Variants in HECW2 observed in about 807,000 individuals in gnomAD.
HECW2 encodes HECT, C2 and WW domain containing E3 ubiquitin protein ligase 2, also known as E3 ubiquitin-protein ligase HECW2.
HECW2 carries 61 observed loss-of-function variants against 175.2 expected under a neutral mutation model. The observed-to-expected ratio is 0.35, with a 90% CI of 0.28 to 0.43. The LOEUF is 0.43. Among genes scored for constraint, HECW2 ranks in the 20% least tolerant of loss-of-function variants. HECW2 has a pLI of 1.00. For missense variants in HECW2, 1,524 were observed against 2,000.5 expected, an observed-to-expected ratio of 0.76 and a Z score of 4.54; for synonymous variants, 671 against 731.0, an observed-to-expected ratio of 0.92 and a Z score of 1.32.
intron 1 of HECW2, among the ~76,000 whole-genome samples, chr2:196,588,062 G>A (rs1368316657): frequency 2.0e-5 from 3 of 152,108 alleles, no homozygotes; most frequent in Non-Finnish European, 4.4e-5. Flanking sequence ...CTTTCTCCAT[G>A]AAGCCTACTC....
At chr2:196,429,182 C>A (rs1695633391) in intron 2 of HECW2, among the ~76,000 whole-genome samples, 1 of 152,204 alleles carries the variant, frequency 6.6e-6, no homozygotes, top group African/African-American at 2.4e-5. Context: ...AGTCACATGT[C>A]TACTTCTAGA....
chr2:196,326,241 T>C (rs932550018), intron 5 of HECW2, among the ~76,000 whole-genome samples: 2 of 152,084 alleles, frequency 1.3e-5, no homozygotes, highest in African/African-American at 4.8e-5. Flanking sequence ...AGGTCTTTCT[T>C]AGAAAAATAG....
chr2:196,361,796 C>A (rs1047319783), intron 2 of HECW2: 1 of 984,902 alleles, frequency 1.0e-6, no homozygotes, highest in Non-Finnish European at 1.2e-6. Flanking sequence ...TTCCACAGCA[C>A]TTTCCAATAT....
At chr2:196,551,722 A>C (rs757619691) in intron 1 of HECW2, among the ~76,000 whole-genome samples, 9 of 152,204 alleles carry the variant, frequency 5.9e-5, no homozygotes, top group Non-Finnish European at 1.3e-4. Flanking sequence ...ATTTCTTTTA[A>C]GCTTAGATGT....
chr2:196,477,559 C>A (rs1022615378), intron 1 of HECW2, among the ~76,000 whole-genome samples: 4 of 152,238 alleles, frequency 2.6e-5, no homozygotes, highest in Non-Finnish European at 5.9e-5. Flanking sequence ...CATAATTTCA[C>A]ACAAAGTCTA....
At chr2:196,455,520 A>G (rs1217876234) in intron 1 of HECW2, among the ~76,000 whole-genome samples, 1 of 152,214 alleles carries the variant, frequency 6.6e-6, no homozygotes, top group Middle Eastern at 3.2e-3. Flanking sequence ...ATGATAAAAG[A>G]ATTTTAAAAA....
intron 26 of HECW2, among the ~76,000 whole-genome samples, chr2:196,218,953 C>T (rs1421320825): frequency 2.0e-5 from 3 of 152,154 alleles, no homozygotes; most frequent in African/African-American, 7.2e-5. Context: ...GTGAGCAAGG[C>T]CAGCCCATGG....
intron 2 of HECW2, among the ~76,000 whole-genome samples, chr2:196,380,233 T>G (rs1169903419): frequency 1.3e-5 from 2 of 152,220 alleles, no homozygotes; most frequent in Admixed American, 6.5e-5. Context: ...GCTGATGGGC[T>G]GTGTGTGTTT....
intron 10 of HECW2, among the ~76,000 whole-genome samples, chr2:196,313,752 G>C (rs183166153): frequency 2.6e-5 from 4 of 152,170 alleles, no homozygotes; most frequent in African/African-American, 9.6e-5. Flanking sequence ...ATGATAAAGA[G>C]AAAGAAAAAA....
intron 2 of HECW2, among the ~76,000 whole-genome samples, chr2:196,344,752 C>T (rs544446840): frequency 6.6e-6 from 1 of 152,146 alleles, no homozygotes; most frequent in Non-Finnish European, 1.5e-5. Flanking sequence ...TCCCCAAATC[C>T]CTTTCCAAGG....
At chr2:196,342,862 T>A (rs182253064) in intron 3 of HECW2, among the ~76,000 whole-genome samples, 10 of 152,256 alleles carry the variant, frequency 6.6e-5, no homozygotes, top group African/African-American at 1.9e-4. Context: ...ATATCTTGAC[T>A]TATTCTTTCT....
chr2:196,248,271 T>C (rs1217339616), intron 19 of HECW2, among the ~76,000 whole-genome samples: 2 of 152,192 alleles, frequency 1.3e-5, no homozygotes, highest in Non-Finnish European at 2.9e-5. Flanking sequence ...AAGGGAAATG[T>C]AAAGGGTCTG....
At chr2:196,323,987 G>C (rs945423942) in intron 6 of HECW2, among the ~76,000 whole-genome samples, 15 of 136,316 alleles carry the variant, frequency 1.1e-4, no homozygotes, top group Non-Finnish European at 1.4e-4. Flanking sequence ...AAGAATACAA[G>C]CAATATTCAA....
chr2:196,542,161 G>A lies in HECW2; in HGVS notation c.-36+51347C>T, dbSNP rs183677774. On this transcript the variant is annotated intron_variant, in intron 1 of 28. Transcript: ENST00000644978. ...CACCTGTAGTCCCAGCTACTCAGGA[G>A]GCTGAGGCAGGAGAATTGCTTGAAC... 1.3e-4 allele frequency among the ~76,000 whole-genome samples: 19 copies of A among 151,950 alleles called. 1 individual carries two copies. The East Asian group carries it at 3.7e-3, about 29-fold the overall frequency.
chr2:196,361,712 T>C (rs1324476897), intron 2 of HECW2: 1 of 809,892 alleles, frequency 1.2e-6, no homozygotes, highest in African/African-American at 1.9e-5. Context: ...TTTAAGAGCT[T>C]TTCAAAGTGA....
chr2:196,433,094 G>T, intron 2 of HECW2, 38 bp downstream of exon 2: 4 of 1,549,640 alleles, frequency 2.6e-6, no homozygotes, highest in Non-Finnish European at 3.5e-6. Flanking sequence ...AAACTTGTAT[G>T]CTCTGAGTCA....
At chr2:196,510,734 A>G (rs1351121809) in intron 1 of HECW2, among the ~76,000 whole-genome samples, 2 of 152,132 alleles carry the variant, frequency 1.3e-5, no homozygotes, top group Non-Finnish European at 2.9e-5. Context: ...GGTGTGATCA[A>G]AAGCCCAGAA....
intron 15 of HECW2, among the ~76,000 whole-genome samples, chr2:196,277,998 G>C (rs1165099930): frequency 1.1e-5 from 1 of 91,420 alleles, no homozygotes; most frequent in Admixed American, 1.3e-4. Context: ...GGAGGGGGGA[G>C]GGATAGCATT....
intron 2 of HECW2, among the ~76,000 whole-genome samples, chr2:196,428,540 C>T (rs1425584653): frequency 1.3e-5 from 2 of 152,042 alleles, no homozygotes; most frequent in African/African-American, 4.8e-5. Flanking sequence ...TAATAGTATC[C>T]AAAAAATTGT....
Sources: gnomAD v4.1 joint callset for allele counts (sites outside exome capture counted in the v4.1 genomes callset) on GRCh38, gnomAD v4.1.1 for gene constraint, MANE v1.5 for transcripts, NCBI Gene and HGNC (gene_info 2026-07-23, HGNC 2026-07-21) for gene names.